UEVLD: variants seen among roughly 807,000 people sequenced by gnomAD.
UEVLD encodes the protein UEV and lactate/malate dehyrogenase domains, also known as ubiquitin-conjugating enzyme E2 variant 3.
A neutral mutation model predicts 58.6 loss-of-function variants in UEVLD; 47 were observed. The ratio of observed to expected loss-of-function variants is 0.80; its 90% CI spans 0.63 to 1.02. The LOEUF is 1.02. Ranked by LOEUF, UEVLD falls within the 50% of genes least tolerant of loss-of-function variation. The pLI is 0.00. For synonymous variants in UEVLD, 197 were observed against 195.3 expected (o/e 1.01, Z -0.07); for missense variants, 510 against 550.6 (o/e 0.93, Z 0.74).
chr11:18,588,152 G>A (rs1829528488), intron 1 of UEVLD, among the ~76,000 whole-genome samples: 1 of 152,040 alleles, frequency 6.6e-6, no homozygotes, highest in African/African-American at 2.4e-5. Flanking sequence ...GCAAGATTAC[G>A]GTTTGTAAAT....
chr11:18,548,400 A>G (rs904240347), intron 7 of UEVLD, among the ~76,000 whole-genome samples: 1 of 152,102 alleles, frequency 6.6e-6, no homozygotes, highest in African/African-American at 2.4e-5. Flanking sequence ...CATGGTTTAT[A>G]TTCCTAATTA....
chr11:18,561,363 G>A (rs1349616343), intron 6 of UEVLD, among the ~76,000 whole-genome samples: 3 of 152,000 alleles, frequency 2.0e-5, no homozygotes, highest in African/African-American at 7.3e-5. Context: ...GGAGGCTGAG[G>A]CTGGTGCATC....
intron 11 of UEVLD, among the ~76,000 whole-genome samples, chr11:18,533,072 T>TG (rs1045262757): frequency 6.6e-6 from 1 of 151,052 alleles, no homozygotes; most frequent in African/African-American, 2.4e-5. Context: ...CTTTTTTTTT[T>TG]TTTTGAGATG....
chr11:18,533,174 T>G (rs1850646844), intron 11 of UEVLD, among the ~76,000 whole-genome samples: 1 of 151,868 alleles, frequency 6.6e-6, no homozygotes, highest in African/African-American at 2.4e-5. Context: ...ATTACAGGCA[T>G]GGGCCACCAC....
chr11:18,540,405 C>T (rs1190491931), intron 9 of UEVLD, among the ~76,000 whole-genome samples: 6 of 152,176 alleles, frequency 3.9e-5, no homozygotes, highest in African/African-American at 1.4e-4. Context: ...GGTATCTATA[C>T]ATGAAACCAG....
Position 18,588,703 on chromosome 11 carries a change from T to A in UEVLD, c.-49A>T. On this transcript the variant is annotated 5_prime_UTR_variant, in exon 1 of 12. Coordinates refer to ENST00000396197, the MANE Select transcript of UEVLD (RefSeq NM_001040697.4). ...TCCCAGGACTCCAGCCCCCGGACCTTCTTCCGGACTTGCTGCAGGACGGAA... is the reference window on the plus strand; with the variant it reads ...TCCCAGGACTCCAGCCCCCGGACCTACTTCCGGACTTGCTGCAGGACGGAA... The A allele has an allele frequency of 1.3e-6, 2 of 1,591,918 alleles. No individual in the cohort carries two copies. The highest frequency in any genetic ancestry group is 2.2e-5 in the South Asian group (2 of 89,548).
intron 7 of UEVLD, among the ~76,000 whole-genome samples, chr11:18,550,938 A>AT (rs1851498232): frequency 6.6e-6 from 1 of 152,180 alleles, no homozygotes; most frequent in Admixed American, 6.6e-5. Context: ...CCCCCAGATG[A>AT]TTCTGATGCA....
chr11:18,572,620 C>T (rs555392220), intron 3 of UEVLD, among the ~76,000 whole-genome samples: 2 of 152,214 alleles, frequency 1.3e-5, no homozygotes, highest in African/African-American at 4.8e-5. Context: ...GCCTGACCAA[C>T]ATGGAGAAAC....
In UEVLD at chr11:18,570,759, A is replaced by G. The variant is rs191299594; in HGVS notation, c.194-382T>C. 3.3e-3 allele frequency: 503 copies of G among 152,016 alleles called. 21 individuals carry two copies. The East Asian group carries it at 0.083, about 25-fold the overall frequency. The allele number at this position is 152,016 out of a possible 1,614,324, so 9.4% of individuals were successfully genotyped here. A position where few individuals can be genotyped will look rare whatever the true frequency, so the allele number is the denominator to read the frequency against. On this transcript the variant is annotated intron_variant, in intron 3 of 11. Coordinates refer to ENST00000396197, the MANE Select transcript of UEVLD (RefSeq NM_001040697.4). ...AGACACTGTTTCAAAAAAAAAAAAA[A>G]AAAAAAGAAAAGAAATGAGCAGTCT...
chr11:18,558,382 T>A, intron 6 of UEVLD, 52 bp from the exon 7 acceptor site: 1 of 1,265,094 alleles, frequency 7.9e-7, no homozygotes, highest in Non-Finnish European at 1.1e-6. Context: ...TGACTCAATT[T>A]AAATTCATTC....
At chr11:18,544,295 T>C (rs1851190357) in intron 9 of UEVLD, among the ~76,000 whole-genome samples, 1 of 152,182 alleles carries the variant, frequency 6.6e-6, no homozygotes, top group Admixed American at 6.5e-5. Flanking sequence ...GCAATTTTGG[T>C]TGTAACTAAT....
chr11:18,574,780 C>T (rs1852813459), intron 3 of UEVLD, among the ~76,000 whole-genome samples: 1 of 152,186 alleles, frequency 6.6e-6, no homozygotes. Flanking sequence ...CTAACACTAG[C>T]TATGTGATCT....
intron 3 of UEVLD, among the ~76,000 whole-genome samples, chr11:18,574,501 G>GA (rs1554982602): frequency 6.6e-6 from 1 of 152,188 alleles, no homozygotes; most frequent in Non-Finnish European, 1.5e-5. Context: ...TGGAAACAAA[G>GA]ATTCACTGGT....
chr11:18,570,360 G>T lies in UEVLD; in HGVS notation c.211C>A (p.Pro71Thr), dbSNP rs751705309. The T allele has an allele frequency of 1.9e-6, 3 of 1,566,590 alleles. No homozygotes were observed. Reference sequence around the variant, plus strand: ...GAATCCAAAATCCAGAAACGAATTGGTATGTTATATGTATTACCTATTTGA... The same window carrying T: ...GAATCCAAAATCCAGAAACGAATTGTTATGTTATATGTATTACCTATTTGA... ...VMYQGNTYNIPIRFWILDSHP... is the reference protein window; with the variant it reads ...VMYQGNTYNITIRFWILDSHP... Residue 71 changes from proline to threonine, a missense_variant, in exon 4 of 12, where the codon CCA becomes ACA. By Grantham distance (38) the Pro-to-Thr change is conservative. Coordinates refer to ENST00000396197, the MANE Select transcript of UEVLD (RefSeq NM_001040697.4).
chr11:18,577,853 C>A (rs750656174), intron 2 of UEVLD, among the ~76,000 whole-genome samples: 14 of 119,908 alleles, frequency 1.2e-4, no homozygotes, highest in Non-Finnish European at 2.1e-4. Context: ...GCCTGGGCGA[C>A]AGAGCAAGAC....
intron 5 of UEVLD, among the ~76,000 whole-genome samples, chr11:18,565,702 C>T (rs912527240): frequency 2.0e-5 from 3 of 151,780 alleles, no homozygotes; most frequent in African/African-American, 7.3e-5. Context: ...GCCTGTAGTC[C>T]CAGCAACATG....
At chr11:18,551,501 G>A (rs770610420) in intron 7 of UEVLD, among the ~76,000 whole-genome samples, 2 of 151,312 alleles carry the variant, frequency 1.3e-5, no homozygotes, top group Non-Finnish European at 2.9e-5. Context: ...CTAAGGTCCT[G>A]TCATGTCACA....
At chr11:18,555,904 G>A (rs949566808) in intron 7 of UEVLD, among the ~76,000 whole-genome samples, 2 of 152,036 alleles carry the variant, frequency 1.3e-5, no homozygotes, top group African/African-American at 4.8e-5. Flanking sequence ...AGCTATGATG[G>A]CACCGCTGCA....
At chr11:18,586,625 A>G (rs1424244597) in intron 1 of UEVLD, among the ~76,000 whole-genome samples, 1 of 152,160 alleles carries the variant, frequency 6.6e-6, no homozygotes, top group African/African-American at 2.4e-5. Flanking sequence ...GGCTCAAGCT[A>G]TTCTCCTGCC....
Sources: gnomAD v4.1 joint callset for allele counts (sites outside exome capture counted in the v4.1 genomes callset) on GRCh38, gnomAD v4.1.1 for gene constraint, MANE v1.5 for transcripts, NCBI Gene and HGNC (gene_info 2026-07-23, HGNC 2026-07-21) for gene names.